Variants in OR2M3 observed in about 807,000 individuals in gnomAD.
OR2M3 encodes olfactory receptor family 2 subfamily M member 3.
In OR2M3, 1 loss-of-function variant was observed where a neutral mutation model predicts 4.3. That is an observed-to-expected ratio of 0.23 (90% CI 0.08 to 1.11). The LOEUF (loss-of-function observed/expected upper bound fraction) is 1.11, where lower values mean the gene tolerates loss of function less well. Among genes scored for constraint, OR2M3 ranks in the 50% most tolerant of loss-of-function variants. The probability of loss-of-function intolerance (pLI) is 0.54; values close to 1 mark genes in which losing one functional copy is unlikely to be tolerated. For synonymous variants in OR2M3, 151 were observed against 139.4 expected, an observed-to-expected ratio of 1.08 and a Z score of -0.59; for missense variants, 410 against 390.4, an observed-to-expected ratio of 1.05 and a Z score of -0.42.
Position 248,204,004 on chromosome 1 carries a change from T to C in OR2M3, c.937T>C (p.Ter313ArgextTer3). 1 of 1,613,584 alleles carries C rather than the reference T, an allele frequency of 6.2e-7. No individual in the cohort carries two copies. The highest frequency in any genetic ancestry group is 2.2e-5 in the East Asian group (1 of 44,844). The change falls in exon 2 of 2, where the codon TGA becomes CGA. Residue 313 changes from the stop codon to arginine (R), a stop_lost. Transcript: ENST00000641626. Reference protein sequence around the residue: ...KILGKGKSGE* With the variant: ...KILGKGKSGER ...CTTAGGAAAGGGCAAGTCTGGAGAG[T>C]GAGTTACCTAATAAACTTCATGTTT...
rs2103016646 is a variant in OR2M3 at position 248,212,434 on chromosome 1, A to C, written c.*8428A>C. 1 of 152,164 alleles carries C rather than the reference A, an allele frequency of 6.6e-6. No homozygotes were observed. Among genetic ancestry groups the C allele is most frequent in the Non-Finnish European group, 1.5e-5 (1 of 67,944 alleles). The allele number at this position is 152,164 out of a possible 1,614,324, so 9.4% of individuals were successfully genotyped here. The stretch of plus-strand genomic sequence containing the variant: ...TTTGTAAAACCTGCTTCTAAATATA[A>C]TGTACTTTTTATTAAGATAGATTCA... On this transcript the variant is annotated 3_prime_UTR_variant, in exon 2 of 2. Coordinates refer to ENST00000641626, the MANE Select transcript of OR2M3 (RefSeq NM_001004689.2).
chr1:248,211,306 T>C lies in OR2M3; in HGVS notation c.*7300T>C, dbSNP rs1666280636. The C allele has an allele frequency of 6.6e-6, 1 of 152,140 alleles. No homozygotes were observed. The allele number at this position is 152,140 out of a possible 1,614,324, so 9.4% of individuals were successfully genotyped here. A position where few individuals can be genotyped will look rare whatever the true frequency, so the allele number is the denominator to read the frequency against. On this transcript the variant is annotated 3_prime_UTR_variant, in exon 2 of 2. Transcript: ENST00000641626. Reference sequence around the variant, plus strand: ...TTATGGGATCCCAGATCCAAATTTCTTTCAAGTTGTTAAAATTCATCTAAG... The same window carrying C: ...TTATGGGATCCCAGATCCAAATTTCCTTCAAGTTGTTAAAATTCATCTAAG...
rs949024887 is a variant in OR2M3, at chr1:248,209,639, A to G, written c.*5633A>G. 1 of 152,168 alleles carries G rather than the reference A, an allele frequency of 6.6e-6. No individual in the cohort carries two copies. The highest frequency in any genetic ancestry group is 2.4e-5 in the African/African-American group (1 of 41,428). 9.4% of individuals were successfully genotyped at this position (152,168 alleles called of 1,614,324 possible). On this transcript the variant is annotated 3_prime_UTR_variant, in exon 2 of 2. Coordinates refer to ENST00000641626, the MANE Select transcript of OR2M3 (RefSeq NM_001004689.2). The stretch of plus-strand genomic sequence containing the variant: ...TGGGAGTGTCTGCAAAGATCCTGTA[A>G]TATGATCTGTCTTCAGGTCTTGCAG...
chr1:248,199,070 A>C lies in OR2M3; in HGVS notation c.-19+1769A>C, dbSNP rs1288194212. Among the ~76,000 whole-genome samples, 3 of 152,276 alleles carry C rather than the reference A, an allele frequency of 2.0e-5. No homozygotes were observed. The East Asian group carries it at 5.8e-4, about 29-fold the overall frequency. On this transcript the variant is annotated intron_variant, in intron 1 of 1. Transcript: ENST00000641626. ...TGATGTGATAAGATTCATACATAAA[A>C]ATAATTTTTAATATTAAATATATGC...
chr1:248,211,352 G>T lies in OR2M3; in HGVS notation c.*7346G>T, dbSNP rs1305417769. On this transcript the variant is annotated 3_prime_UTR_variant, in exon 2 of 2. Transcript: ENST00000641626. ...CTAAGCTTCACACACTGATCCAACA[G>T]AGAAATTGTTTCATTATTTAAATTC... is the stretch of plus-strand genomic sequence containing the variant. The T allele has an allele frequency of 2.6e-5, 4 of 151,972 alleles. No individual in the cohort carries two copies. Among genetic ancestry groups the T allele is most frequent in the Admixed American group, 2.6e-4 (4 of 15,254 alleles). The allele number at this position is 151,972 out of a possible 1,614,324, so 9.4% of individuals were successfully genotyped here. A position where few individuals can be genotyped will look rare whatever the true frequency, so the allele number is the denominator to read the frequency against.
At chr1:248,199,218 T>C (rs1304917929) in intron 1 of OR2M3, among the ~76,000 whole-genome samples, 2 of 152,136 alleles carry the variant, frequency 1.3e-5, no homozygotes, top group Non-Finnish European at 2.9e-5. Flanking sequence ...CAATGTCTAA[T>C]CCAGAGTTCA....
chr1:248,202,724 C>T (rs1666171566), intron 1 of OR2M3, among the ~76,000 whole-genome samples: 1 of 151,308 alleles, frequency 6.6e-6, no homozygotes, highest in East Asian at 2.0e-4. Context: ...CTGTAAAAGA[C>T]TTCTAATTTT....
rs1666235403 is a variant in OR2M3, at chr1:248,207,383, T to C, written c.*3377T>C. 6.6e-6 allele frequency: 1 copy of C among 152,092 alleles called. No homozygotes were observed. The highest frequency in any genetic ancestry group is 1.5e-5 in the Non-Finnish European group (1 of 67,966). 9.4% of individuals were successfully genotyped at this position (152,092 alleles called of 1,614,324 possible). A position where few individuals can be genotyped will look rare whatever the true frequency, so the allele number is the denominator to read the frequency against. On this transcript the variant is annotated 3_prime_UTR_variant, in exon 2 of 2. Transcript: ENST00000641626. ...GATTGTTCTTGTTTCTCCTGTTCTG[T>C]GAGGTGCGACCTAAGATTATCTCTT...
At position 248,203,106 on chromosome 1, in the gene OR2M3, C is replaced by T. The variant is rs750815637; in HGVS notation, c.39C>T (p.Ile13=). The stretch of plus-strand genomic sequence containing the variant: ...ATTCGACCTTCAACTCCGACTTCAT[C>T]CTCCTGGGAATCTTCAATCACAGCC... The part of the protein sequence containing the change: ...RENSTFNSDF[I]LLGIFNHSPT... The change falls in exon 2 of 2, where the codon ATC becomes ATT. Residue 13 remains isoleucine, a synonymous_variant. Transcript: ENST00000641626. 11 of 1,613,850 alleles carry T rather than the reference C, an allele frequency of 6.8e-6. No homozygotes were observed. In the South Asian group the frequency reaches 1.1e-4, roughly 16 times the overall value.
intron 1 of OR2M3, among the ~76,000 whole-genome samples, chr1:248,200,335 T>G (rs1405322278): frequency 6.6e-5 from 10 of 152,140 alleles, no homozygotes; most frequent in African/African-American, 2.2e-4. Context: ...ATTAAGCTCA[T>G]AGGCACTGAA....
chr1:248,203,634 C>G lies in OR2M3; in HGVS notation c.567C>G (p.Cys189Trp). Reference sequence around the variant, plus strand: ...TCCCCTCCCTACTAATCCTCTCATGCAGTGACACATCAATATTTGAAAAGA... The same window carrying G: ...TCCCCTCCCTACTAATCCTCTCATGGAGTGACACATCAATATTTGAAAAGA... ...CDFPSLLILS[C>W]SDTSIFEKIL... The change falls in exon 2 of 2, where the codon TGC (cysteine) becomes TGG (tryptophan). Residue 189 changes from cysteine (C) to tryptophan (W), a missense_variant. By Grantham distance (215) the Cys-to-Trp change is radical. Coordinates refer to ENST00000641626, the MANE Select transcript of OR2M3 (RefSeq NM_001004689.2). 6.2e-7 allele frequency: 1 copy of G among 1,613,844 alleles called. No individual in the cohort carries two copies. Among genetic ancestry groups the G allele is most frequent in the Non-Finnish European group, 8.5e-7 (1 of 1,179,812 alleles).
rs990196855 is a variant in OR2M3 at position 248,210,659 on chromosome 1, AG to A, written c.*6654del. Reference sequence around the variant, plus strand: ...TTCTTTGTAATCTCCCCCACCCTTAAGAAGGTTCTTTGTAATCTCCCCAACT... The same window carrying A: ...TTCTTTGTAATCTCCCCCACCCTTAAAAGGTTCTTTGTAATCTCCCCAACT... On this transcript the variant is annotated 3_prime_UTR_variant, in exon 2 of 2. Transcript: ENST00000641626. 4.1e-5 allele frequency: 6 copies of A among 147,628 alleles called. No individual in the cohort carries two copies. The highest frequency in any genetic ancestry group is 1.3e-4 in the African/African-American group (5 of 37,560). 9.1% of individuals were successfully genotyped at this position (147,628 alleles called of 1,614,324 possible).
Position 248,204,123 on chromosome 1 carries a change from T to A in OR2M3, c.*117T>A. On this transcript the variant is annotated 3_prime_UTR_variant, in exon 2 of 2. Transcript: ENST00000641626. ...GTGTACATAAATCTGCAATGACATATTTATGTGCACCTATATAATTTATTT... is the reference window on the plus strand; with the variant it reads ...GTGTACATAAATCTGCAATGACATAATTATGTGCACCTATATAATTTATTT... 1 of 852,758 alleles carries A rather than the reference T, an allele frequency of 1.2e-6. No individual in the cohort carries two copies. Among genetic ancestry groups the A allele is most frequent in the Non-Finnish European group, 1.9e-6 (1 of 536,760 alleles). 52.8% of individuals were successfully genotyped at this position (852,758 alleles called of 1,614,324 possible).
In OR2M3 at chr1:248,204,128, G is replaced by A. The variant is rs551923461; in HGVS notation, c.*122G>A. ...CATAAATCTGCAATGACATATTTAT[G>A]TGCACCTATATAATTTATTTCAGAT... On this transcript the variant is annotated 3_prime_UTR_variant, in exon 2 of 2. Coordinates refer to ENST00000641626, the MANE Select transcript of OR2M3 (RefSeq NM_001004689.2). 3.4e-5 allele frequency: 28 copies of A among 811,916 alleles called. No homozygotes were observed. The Admixed American group carries it at 6.8e-4, about 20-fold the overall frequency. The allele number at this position is 811,916 out of a possible 1,614,324, so 50.3% of individuals were successfully genotyped here.
rs1666218497 is a variant in OR2M3, at chr1:248,205,822, TAAG to T, written c.*1820_*1822del. The T allele has an allele frequency of 2.6e-5, 4 of 151,940 alleles. No individual in the cohort carries two copies. In the South Asian group the frequency reaches 8.3e-4, roughly 31 times the overall value. 9.4% of individuals were successfully genotyped at this position (151,940 alleles called of 1,614,324 possible). On this transcript the variant is annotated 3_prime_UTR_variant, in exon 2 of 2. Transcript: ENST00000641626. ...TTAGGATTGTTCTTTCTAGTTCTGT[TAAG>T]AAGGATGGTGATATTTTAGTGGGAA...
chr1:248,198,122 T>G (rs1321832768), intron 1 of OR2M3, among the ~76,000 whole-genome samples: 1 of 152,186 alleles, frequency 6.6e-6, no homozygotes, highest in Non-Finnish European at 1.5e-5. Flanking sequence ...AAATGTTTAT[T>G]TACAAAAATA....
rs528901627 is a variant in OR2M3, at chr1:248,199,121, T to C, written c.-19+1820T>C. Among the ~76,000 whole-genome samples the C allele has an allele frequency of 4.6e-5, 7 of 152,070 alleles. No individual in the cohort carries two copies. In the South Asian group the frequency reaches 1.5e-3, roughly 32 times the overall value. On this transcript the variant is annotated intron_variant, in intron 1 of 1. Coordinates refer to ENST00000641626, the MANE Select transcript of OR2M3 (RefSeq NM_001004689.2). ...ACCATCTTTTTACAAAACAATGAAG[T>C]TTATTACAAAAGAAACATAGTAGAT...
rs1341364409 is a variant in OR2M3, at chr1:248,212,250, A to G, written c.*8244A>G. On this transcript the variant is annotated 3_prime_UTR_variant, in exon 2 of 2. Transcript: ENST00000641626. ...ATTTTAAATATTAATTCATAATGCT[A>G]TACATTAATGACTCTAGAATATGCA... 6.6e-6 allele frequency: 1 copy of G among 152,070 alleles called. No homozygotes were observed. Among genetic ancestry groups the G allele is most frequent in the African/African-American group, 2.4e-5 (1 of 41,454 alleles). The allele number at this position is 152,070 out of a possible 1,614,324, so 9.4% of individuals were successfully genotyped here.
rs1019415029 is a variant in OR2M3, at chr1:248,203,041, T to C, written c.-18-9T>C. 1.3e-6 allele frequency: 2 copies of C among 1,582,636 alleles called. No homozygotes were observed. Among genetic ancestry groups the C allele is most frequent in the East Asian group, 4.5e-5 (2 of 44,676 alleles). On this transcript the variant is annotated splice_polypyrimidine_tract_variant and intron_variant, in intron 1 of 1. Coordinates refer to ENST00000641626, the MANE Select transcript of OR2M3 (RefSeq NM_001004689.2). The stretch of plus-strand genomic sequence containing the variant: ...TTACCAAATTAATACGCTGGTTTTG[T>C]GGTACTAGGTAAAAAGCATACACAT...
Sources: allele counts gnomAD v4.1 joint callset (sites outside exome capture counted in the v4.1 genomes callset), GRCh38; gene constraint gnomAD v4.1.1; transcripts MANE v1.5; gene names NCBI Gene and HGNC (gene_info 2026-07-23, HGNC 2026-07-21).